C4orf36: variants seen among roughly 807,000 people sequenced by gnomAD.
C4orf36 encodes chromosome 4 open reading frame 36, also known as uncharacterized protein C4orf36.
In C4orf36, 11 loss-of-function variants were observed where a neutral mutation model predicts 12.2. The ratio of observed to expected loss-of-function variants is 0.90; its 90% CI spans 0.57 to 1.49. The LOEUF (loss-of-function observed/expected upper bound fraction) is 1.49. Among genes scored for constraint, C4orf36 ranks in the 40% most tolerant of loss-of-function variants. C4orf36 has a pLI of 0.00. For missense variants in C4orf36, 137 were observed against 133.9 expected (o/e 1.02, Z -0.11); for synonymous variants, 54 against 51.3 (o/e 1.05, Z -0.22).
At chr4:86,935,731 G>C in the C4orf36 span, 2 of 152,314 alleles carry the variant, frequency 1.3e-5, no homozygotes, top group African/African-American at 4.8e-5. Context: ...GCCGCGTCTC[G>C]CTGAGAGCAG....
chr4:86,898,739 T>C, the C4orf36 span, among the ~76,000 whole-genome samples: 11 of 150,942 alleles, frequency 7.3e-5, no homozygotes, highest in African/African-American at 2.7e-4. Context: ...AGCCCAGGAG[T>C]TCCAGGAGGT....
At chr4:86,913,871 C>T in the C4orf36 span, 8 of 981,340 alleles carry the variant, frequency 8.2e-6, no homozygotes, top group Middle Eastern at 9.5e-4. Flanking sequence ...CTCTGTCACC[C>T]AGGCTGGAGT....
the C4orf36 span, among the ~76,000 whole-genome samples, chr4:86,902,439 A>AAAAAAAAAAAAAAAAAG: frequency 7.1e-6 from 1 of 140,972 alleles, no homozygotes; most frequent in African/African-American, 2.7e-5. Flanking sequence ...AAAAAAAAAA[A>AAAAAAAAAAAAAAAAAG]AAAGAAAGAA....
At chr4:86,927,191 A>G in the C4orf36 span, among the ~76,000 whole-genome samples, 1 of 152,224 alleles carries the variant, frequency 6.6e-6, no homozygotes, top group African/African-American at 2.4e-5. Flanking sequence ...ATGAATGAAT[A>G]CATGAATAAA....
intron 4 of C4orf36, among the ~76,000 whole-genome samples, chr4:86,884,395 A>T (rs550427812): frequency 6.7e-6 from 1 of 148,964 alleles, no homozygotes; most frequent in Non-Finnish European, 1.5e-5. Context: ...GCGTCAAACT[A>T]CTAGGCTCAA....
chr4:86,916,467 C>T, the C4orf36 span, among the ~76,000 whole-genome samples: 1 of 151,540 alleles, frequency 6.6e-6, no homozygotes, highest in South Asian at 2.1e-4. Context: ...TAGACATGGA[C>T]TCAACAACAG....
At chr4:86,889,902 T>TA in intron 2 of C4orf36, 1 of 366,234 alleles carries the variant, frequency 2.7e-6, no homozygotes, top group Admixed American at 3.4e-5. Flanking sequence ...TGATAAAAAA[T>TA]AAAGATCTCC....
the C4orf36 span, among the ~76,000 whole-genome samples, chr4:86,904,840 C>G: frequency 6.6e-6 from 1 of 152,156 alleles, no homozygotes; most frequent in South Asian, 2.1e-4. Context: ...CCACACGTAG[C>G]TGCTGTTAAG....
chr4:86,916,648 C>A, the C4orf36 span, among the ~76,000 whole-genome samples: 1 of 152,160 alleles, frequency 6.6e-6, no homozygotes, highest in Non-Finnish European at 1.5e-5. Context: ...ACTGAGAGGG[C>A]AGAAATTCAT....
the C4orf36 span, among the ~76,000 whole-genome samples, chr4:86,912,738 GTA>G: frequency 6.6e-6 from 1 of 152,146 alleles, no homozygotes; most frequent in Non-Finnish European, 1.5e-5. Flanking sequence ...ATATAGATAT[GTA>G]TATGAGTGTA....
intron 1 of C4orf36, 39 bp from the exon 2 acceptor site, chr4:86,891,632 G>A (rs1283205416): frequency 1.6e-5 from 24 of 1,523,136 alleles, no homozygotes; most frequent in African/African-American, 4.2e-5. Context: ...TGCCTCTCAC[G>A]TGAATATTTT....
At chr4:86,891,293 C>CAAAAAAAAAAAAAAAAAAAA (rs34250498) in intron 2 of C4orf36, among the ~76,000 whole-genome samples, 163 bp downstream of exon 2, 2 of 118,944 alleles carry the variant, frequency 1.7e-5, no homozygotes, top group African/African-American at 3.2e-5. Flanking sequence ...AAGCAGTTGC[C>CAAAAAAAAAAAAAAAAAAAA]AAAAAAAAAA....
At chr4:86,892,155 C>T (rs1422925085) in intron 1 of C4orf36, 28 bp downstream of exon 1, 2 of 985,624 alleles carry the variant, frequency 2.0e-6, no homozygotes, top group Non-Finnish European at 2.4e-6. Context: ...GAGAAGGGAA[C>T]GGCCTCAGCC....
the C4orf36 span, among the ~76,000 whole-genome samples, chr4:86,911,861 A>G: frequency 6.6e-6 from 1 of 151,160 alleles, no homozygotes; most frequent in Non-Finnish European, 1.5e-5. Flanking sequence ...TATTTAGAAA[A>G]AAAAAATGTT....
chr4:86,881,346 C>G (rs1747051065), intron 4 of C4orf36, among the ~76,000 whole-genome samples: 2 of 152,112 alleles, frequency 1.3e-5, no homozygotes, highest in Admixed American at 6.5e-5. Context: ...TATATTTGTT[C>G]ATTCTGACCT....
the C4orf36 span, among the ~76,000 whole-genome samples, chr4:86,915,079 C>T: frequency 1.3e-5 from 2 of 152,154 alleles, no homozygotes; most frequent in Admixed American, 1.3e-4. Flanking sequence ...CATTCCCTCC[C>T]CATGCAAACA....
the C4orf36 span, chr4:86,914,865 G>A: frequency 2.5e-6 from 1 of 398,666 alleles, no homozygotes; most frequent in Non-Finnish European, 4.7e-6. Flanking sequence ...GGGGAGTCCG[G>A]ACGGGCTTGG....
chr4:86,928,014 T>A, the C4orf36 span, among the ~76,000 whole-genome samples: 2 of 152,210 alleles, frequency 1.3e-5, no homozygotes, highest in Non-Finnish European at 1.5e-5. Context: ...TGGAAAGAGA[T>A]GGGCTTCACA....
At chr4:86,888,056 T>C in intron 3 of C4orf36, 65 bp downstream of exon 3, 1 of 1,575,724 alleles carries the variant, frequency 6.3e-7, no homozygotes, top group Non-Finnish European at 8.6e-7. Context: ...GATTTAAACA[T>C]TTCTCTGATA....
Sources: gnomAD v4.1 joint callset for allele counts (sites outside exome capture counted in the v4.1 genomes callset) on GRCh38, gnomAD v4.1.1 for gene constraint, MANE v1.5 for transcripts, NCBI Gene and HGNC (gene_info 2026-07-23, HGNC 2026-07-21) for gene names.